TMTC1: variants seen among roughly 807,000 people sequenced by gnomAD.
TMTC1 encodes the protein transmembrane O-mannosyltransferase targeting cadherins 1.
TMTC1 carries 73 observed loss-of-function variants against 104.8 expected under a neutral mutation model. That is an observed-to-expected ratio of 0.70 (90% CI 0.58 to 0.85). The LOEUF is 0.85. Among genes scored for constraint, TMTC1 ranks in the 40% least tolerant of loss-of-function variants. The probability of loss-of-function intolerance (pLI) is 0.00; values close to 1 mark genes in which losing one functional copy is unlikely to be tolerated. For missense variants in TMTC1, 1,035 were observed against 1,096.1 expected (o/e 0.94, Z 0.79); for synonymous variants, 434 against 428.7 (o/e 1.01, Z -0.15).
At chr12:29,711,483 A>G (rs754911) in intron 5 of TMTC1, among the ~76,000 whole-genome samples, 105,960 of 152,048 alleles carry the variant, frequency 0.7, 38,726 homozygotes, top group South Asian at 0.83. Context: ...CAAAACCAAA[A>G]ATTAAGGATG....
chr12:29,698,511 G>A (rs762265895), intron 5 of TMTC1, among the ~76,000 whole-genome samples: 6 of 152,152 alleles, frequency 3.9e-5, no homozygotes, highest in African/African-American at 9.7e-5. Context: ...GTGTCCCATC[G>A]TATCTACTCT....
intron 11 of TMTC1, among the ~76,000 whole-genome samples, chr12:29,524,755 T>C (rs1294025416): frequency 6.6e-6 from 1 of 152,224 alleles, no homozygotes; most frequent in African/African-American, 2.4e-5. Context: ...AAAGATGCCA[T>C]TAAATGTTTT....
At chr12:29,609,488 T>A (rs1181838786) in intron 6 of TMTC1, among the ~76,000 whole-genome samples, 1 of 152,228 alleles carries the variant, frequency 6.6e-6, no homozygotes, top group Non-Finnish European at 1.5e-5. Context: ...ACACCCCTAC[T>A]GCTATCTACA....
At chr12:29,643,732 A>ATAAATAT (rs1555180826) in intron 5 of TMTC1, among the ~76,000 whole-genome samples, 1 of 25,788 alleles carries the variant, frequency 3.9e-5, no homozygotes, top group African/African-American at 1.8e-4. Flanking sequence ...ATAAATATAT[A>ATAAATAT]TTATAATAAA....
intron 5 of TMTC1, among the ~76,000 whole-genome samples, chr12:29,639,483 A>G (rs186462979): frequency 6.6e-6 from 1 of 152,370 alleles, no homozygotes; most frequent in Non-Finnish European, 1.5e-5. Flanking sequence ...AAAATAAAAT[A>G]TCATGTCAAA....
chr12:29,732,188 A>G (rs768103786), intron 5 of TMTC1, among the ~76,000 whole-genome samples: 3 of 152,208 alleles, frequency 2.0e-5, no homozygotes, highest in Non-Finnish European at 4.4e-5. Context: ...GCAATACTAA[A>G]TTCACTGGGC....
At chr12:29,617,793 G>T (rs1331012002) in intron 6 of TMTC1, among the ~76,000 whole-genome samples, 1 of 152,186 alleles carries the variant, frequency 6.6e-6, no homozygotes, top group East Asian at 1.9e-4. Context: ...TCAGGAAGTA[G>T]CAAGGGAGAT....
intron 10 of TMTC1, 67 bp downstream of exon 10, chr12:29,556,790 G>T: frequency 6.3e-7 from 1 of 1,595,322 alleles, no homozygotes; most frequent in Non-Finnish European, 8.6e-7. Context: ...AATCAAATGA[G>T]TGTTGAGAAG....
chr12:29,643,604 T>TTA lies in TMTC1; in HGVS notation c.939-10270_939-10269dup, dbSNP rs1408063829. On this transcript the variant is annotated intron_variant, in intron 5 of 17. Transcript: ENST00000539277. ...GTCATATATAAATATATATTATATATTATATATAATATATATCTATATATT... is the reference window on the plus strand; with the variant it reads ...GTCATATATAAATATATATTATATATTATATATATAATATATATCTATATATT... Among the ~76,000 whole-genome samples the TTA allele has an allele frequency of 7.8e-3, 310 of 39,590 alleles. 16 individuals carry two copies. The highest frequency in any genetic ancestry group is 0.035 in the African/African-American group (272 of 7,862). The allele number at this position is 39,590 out of a possible 152,430, so 26.0% of individuals were successfully genotyped here. A position where few individuals can be genotyped will look rare whatever the true frequency, so the allele number is the denominator to read the frequency against.
At position 29,698,272 on chromosome 12, in the gene TMTC1, A is replaced by G. The variant is rs576134782; in HGVS notation, c.938+53394T>C. ...TTAAAAATCATTTAATACCTTTCAT[A>G]TTGCCATGATCCCCCACTTCCCCTT... On this transcript the variant is annotated intron_variant, in intron 5 of 17. Transcript: ENST00000539277. Among the ~76,000 whole-genome samples, 3 of 152,188 alleles carry G rather than the reference A, an allele frequency of 2.0e-5. No individual in the cohort carries two copies. The East Asian group carries it at 5.8e-4, about 29-fold the overall frequency.
chr12:29,748,896 T>A (rs1463665037), intron 5 of TMTC1, among the ~76,000 whole-genome samples: 1 of 152,242 alleles, frequency 6.6e-6, no homozygotes, highest in Non-Finnish European at 1.5e-5. Context: ...TAGTACATAT[T>A]CAAAGCTCAC....
chr12:29,563,975 C>T (rs982599452), intron 9 of TMTC1, among the ~76,000 whole-genome samples: 1 of 152,008 alleles, frequency 6.6e-6, no homozygotes, highest in African/African-American at 2.4e-5. Flanking sequence ...AAGGTTTTTC[C>T]AGGAGAGACG....
At chr12:29,735,153 C>T (rs1202000897) in intron 5 of TMTC1, among the ~76,000 whole-genome samples, 5 of 152,204 alleles carry the variant, frequency 3.3e-5, no homozygotes, top group African/African-American at 1.2e-4. Flanking sequence ...TGCATGAAGA[C>T]ACAGAGTCCT....
At chr12:29,579,044 T>C (rs1320893013) in intron 8 of TMTC1, among the ~76,000 whole-genome samples, 2 of 152,170 alleles carry the variant, frequency 1.3e-5, no homozygotes, top group Non-Finnish European at 2.9e-5. Flanking sequence ...ATGAGGAAAC[T>C]GAAGCTCAGA....
At chr12:29,625,674 T>G (rs1937949713) in intron 6 of TMTC1, among the ~76,000 whole-genome samples, 1 of 152,210 alleles carries the variant, frequency 6.6e-6, no homozygotes, top group Admixed American at 6.5e-5. Context: ...CAGAGGAAGT[T>G]TCCATTCATT....
chr12:29,745,670 C>T (rs548633490), intron 5 of TMTC1, among the ~76,000 whole-genome samples: 7 of 146,436 alleles, frequency 4.8e-5, no homozygotes, highest in Middle Eastern at 3.6e-3. Flanking sequence ...AAAAGCTCAG[C>T]AATGCATATG....
rs145020111 is a variant in TMTC1, at chr12:29,677,320, A to G, written c.939-43984T>C. 1.6e-4 allele frequency among the ~76,000 whole-genome samples: 24 copies of G among 152,280 alleles called. 1 individual carries two copies. The highest frequency in any genetic ancestry group is 2.9e-4 in the Non-Finnish European group (20 of 68,024). The stretch of plus-strand genomic sequence containing the variant: ...TTTGTTTTTGTTCTTACCACATCTT[A>G]ACAGGACCAATGGGCCTACTCACTA... On this transcript the variant is annotated intron_variant, in intron 5 of 17. Coordinates refer to ENST00000539277, the MANE Select transcript of TMTC1 (RefSeq NM_001193451.2).
At chr12:29,772,775 A>G (rs1323421329) in intron 1 of TMTC1, among the ~76,000 whole-genome samples, 2 of 152,194 alleles carry the variant, frequency 1.3e-5, no homozygotes, top group African/African-American at 4.8e-5. Context: ...CAGGTTCTAT[A>G]TCACCCTGAA....
At chr12:29,558,162 T>C (rs1460090756) in intron 9 of TMTC1, among the ~76,000 whole-genome samples, 1 of 152,212 alleles carries the variant, frequency 6.6e-6, no homozygotes, top group Non-Finnish European at 1.5e-5. Context: ...GTTTTTGATA[T>C]ATTCAGAGTG....
Sources: gnomAD v4.1 joint callset for allele counts (sites outside exome capture counted in the v4.1 genomes callset) on GRCh38, gnomAD v4.1.1 for gene constraint, MANE v1.5 for transcripts, NCBI Gene and HGNC (gene_info 2026-07-23, HGNC 2026-07-21) for gene names.